Variants in CATSPERE observed in about 807,000 individuals in gnomAD.
CATSPERE encodes catsper channel auxiliary subunit epsilon, also known as cation channel sperm-associated auxiliary subunit epsilon.
CATSPERE carries 93 observed loss-of-function variants against 114.1 expected under a neutral mutation model. The observed-to-expected ratio is 0.81, with a 90% CI of 0.69 to 0.97. CATSPERE has a LOEUF of 0.97. Among genes scored for constraint, CATSPERE ranks in the 50% least tolerant of loss-of-function variants. CATSPERE has a pLI of 0.00. For missense variants in CATSPERE, 1,058 were observed against 1,131.6 expected, an observed-to-expected ratio of 0.93 and a Z score of 0.93; for synonymous variants, 341 against 384.1, an observed-to-expected ratio of 0.89 and a Z score of 1.31.
At chr1:244,527,769 C>G (rs1572577080) in intron 8 of CATSPERE, among the ~76,000 whole-genome samples, 1 of 152,126 alleles carries the variant, frequency 6.6e-6, no homozygotes, top group East Asian at 1.9e-4. Flanking sequence ...TCCATGAAAT[C>G]TTCACAATTT....
chr1:244,601,251 T>G (rs1317915233), intron 17 of CATSPERE, among the ~76,000 whole-genome samples: 1 of 151,556 alleles, frequency 6.6e-6, no homozygotes, highest in Admixed American at 6.6e-5. Flanking sequence ...GATAAAGAAA[T>G]AAGAAAGAGG....
rs1661526316 is a variant in CATSPERE at position 244,556,068 on chromosome 1, T to C, written c.1029+3254T>C. Among the ~76,000 whole-genome samples, 3 of 152,220 alleles carry C rather than the reference T, an allele frequency of 2.0e-5. No homozygotes were observed. In the South Asian group the frequency reaches 6.2e-4, roughly 32 times the overall value. On this transcript the variant is annotated intron_variant, in intron 9 of 21. Transcript: ENST00000366534. ...AAAAAGTTAATCTGGTGAGGTGGCC[T>C]ACACCTGTAGTCCCAGCTACTTGGA...
chr1:244,543,415 T>C (rs1287272661), intron 8 of CATSPERE, among the ~76,000 whole-genome samples: 3 of 151,864 alleles, frequency 2.0e-5, no homozygotes, highest in South Asian at 2.1e-4. Flanking sequence ...ATCTCACTTA[T>C]ATGAAAACGC....
At position 244,552,336 on chromosome 1, in the gene CATSPERE, T is replaced by G. The variant is rs780355659; in HGVS notation, c.551T>G (p.Val184Gly). 5 of 1,610,606 alleles carry G rather than the reference T, an allele frequency of 3.1e-6. No homozygotes were observed. The highest frequency in any genetic ancestry group is 1.7e-5 in the Admixed American group (1 of 59,702). Residue 184 changes from valine (V) to glycine (G), a missense_variant, in exon 9 of 22, where the codon GTA becomes GGA. This residue lies in a region of CATSPERE where 271 missense variants were observed against 225.9 expected (regional missense o/e 1.20). Transcript: ENST00000366534. ...EKMRRGTWRIVVPMTKDDALK... is the reference protein window; with the variant it reads ...EKMRRGTWRIGVPMTKDDALK... ...TCTCTTCTTAGGACCTGGCGTATTG[T>G]AGTACCAATGACAAAAGATGATGCA... is the stretch of plus-strand genomic sequence containing the variant.
At chr1:244,597,449 C>T (rs1668585475) in intron 17 of CATSPERE, among the ~76,000 whole-genome samples, 1 of 151,942 alleles carries the variant, frequency 6.6e-6, no homozygotes, top group African/African-American at 2.4e-5. Context: ...TTTTCTTCAT[C>T]TGGCTTCCAG....
At chr1:244,526,366 G>T (rs1678595313) in intron 8 of CATSPERE, among the ~76,000 whole-genome samples, 1 of 151,520 alleles carries the variant, frequency 6.6e-6, no homozygotes, top group African/African-American at 2.4e-5. Context: ...CTATGATTGG[G>T]CCACTACACT....
chr1:244,454,257 G>A (rs976993278), upstream of CATSPERE: 5 of 152,320 alleles, frequency 3.3e-5, no homozygotes, highest in South Asian at 8.3e-4. Context: ...CCGTTCGGAG[G>A]TCATCCCTCC....
intron 13 of CATSPERE, among the ~76,000 whole-genome samples, chr1:244,585,833 C>G (rs1302815213): frequency 6.6e-6 from 1 of 152,212 alleles, no homozygotes; most frequent in Non-Finnish European, 1.5e-5. Flanking sequence ...CTGCATCTCA[C>G]TTTTTAACCA....
At chr1:244,599,029 C>T (rs982277703) in intron 17 of CATSPERE, among the ~76,000 whole-genome samples, 2 of 152,086 alleles carry the variant, frequency 1.3e-5, no homozygotes, top group African/African-American at 2.4e-5. Context: ...CTACATCGTC[C>T]GGACATGGTC....
At chr1:244,512,529 T>C (rs1370945915) in intron 7 of CATSPERE, among the ~76,000 whole-genome samples, 2 of 152,184 alleles carry the variant, frequency 1.3e-5, no homozygotes, top group Non-Finnish European at 2.9e-5. Flanking sequence ...TGAGTTTCTT[T>C]ATTGTCATTT....
chr1:244,530,801 T>A (rs977329888), intron 8 of CATSPERE, among the ~76,000 whole-genome samples: 6 of 152,200 alleles, frequency 3.9e-5, no homozygotes, highest in Non-Finnish European at 7.3e-5. Context: ...TTTTTATTTC[T>A]TTTTCAGATT....
intron 21 of CATSPERE, 74 bp from the exon 22 acceptor site, chr1:244,639,854 A>T: frequency 2.2e-6 from 3 of 1,361,146 alleles, no homozygotes; most frequent in Middle Eastern, 1.8e-4. Flanking sequence ...CTATTCAAAA[A>T]GTGTTTAAAT....
intron 7 of CATSPERE, among the ~76,000 whole-genome samples, chr1:244,509,848 C>T (rs533497328): frequency 6.6e-6 from 1 of 152,162 alleles, no homozygotes; most frequent in African/African-American, 2.4e-5. Flanking sequence ...CTTTAGGTTT[C>T]ACAATTTGTT....
intron 9 of CATSPERE, among the ~76,000 whole-genome samples, chr1:244,559,710 G>A (rs1026466397): frequency 6.6e-6 from 1 of 152,148 alleles, no homozygotes; most frequent in Non-Finnish European, 1.5e-5. Context: ...TATTTGAAGA[G>A]ACTTTATATA....
At chr1:244,616,168 A>G (rs10927281) in intron 19 of CATSPERE, among the ~76,000 whole-genome samples, 8,645 of 152,042 alleles carry the variant, frequency 0.057, 805 homozygotes, top group African/African-American at 0.2. Flanking sequence ...AATTCAACAA[A>G]TGTATCTTGA....
intron 7 of CATSPERE, among the ~76,000 whole-genome samples, chr1:244,511,396 G>GT (rs894973285): frequency 8.0e-5 from 12 of 150,338 alleles, no homozygotes; most frequent in South Asian, 4.2e-4. Flanking sequence ...GTTGGATTGT[G>GT]TTTTTTTTTA....
chr1:244,498,980 GCAAA>G lies in CATSPERE; in HGVS notation c.352-17_352-14del. 6.4e-7 allele frequency: 1 copy of G among 1,571,114 alleles called. No individual in the cohort carries two copies. The highest frequency in any genetic ancestry group is 1.1e-5 in the South Asian group (1 of 89,124). On this transcript the variant is annotated intron_variant, in intron 6 of 21. Coordinates refer to ENST00000366534, the MANE Select transcript of CATSPERE (RefSeq NM_001130957.2). ...AAATTTGTACAAAATGTAAAGAAAT[GCAAA>G]CAAATTTTATTTTCTAGCTTATCAC...
intron 5 of CATSPERE, among the ~76,000 whole-genome samples, chr1:244,488,543 A>G (rs1417757111): frequency 6.6e-6 from 1 of 152,242 alleles, no homozygotes; most frequent in African/African-American, 2.4e-5. Flanking sequence ...TTGTCTTTCC[A>G]TGGAAATTCA....
intron 1 of CATSPERE, among the ~76,000 whole-genome samples, chr1:244,462,161 T>C (rs1408764439): frequency 1.3e-5 from 2 of 152,192 alleles, no homozygotes. Flanking sequence ...CCTCTCACCT[T>C]GTGCAGCCTT....
Sources: gnomAD v4.1 joint callset for allele counts (sites outside exome capture counted in the v4.1 genomes callset) on GRCh38, gnomAD v4.1.1 for gene constraint, gnomAD v4.1.1 regional missense constraint, MANE v1.5 for transcripts, NCBI Gene and HGNC (gene_info 2026-07-23, HGNC 2026-07-21) for gene names.